The following ZNF589 variants were observed in gnomAD, a reference collection of about 807,000 sequenced individuals.
The protein encoded by ZNF589 is KRAB-zinc finger protein SZF1-1.
A neutral mutation model predicts 13.6 loss-of-function variants in ZNF589; 17 were observed. The observed-to-expected ratio is 1.25, with a 90% CI of 0.86 to 1.88. The LOEUF is 1.88. Ranked by LOEUF, ZNF589 falls within the 40% of genes most tolerant of loss-of-function variation. The pLI, the probability that ZNF589 is intolerant of heterozygous loss-of-function variation, is 0.00. For synonymous variants in ZNF589, 148 were observed against 161.6 expected (o/e 0.92, Z 0.64); for missense variants, 407 against 434.0 (o/e 0.94, Z 0.55).
chr3:48,255,798 G>A (rs553694360), intron 2 of ZNF589, among the ~76,000 whole-genome samples: 18 of 151,824 alleles, frequency 1.2e-4, no homozygotes, highest in African/African-American at 4.1e-4. Context: ...CAGAGACGGG[G>A]TCTTGCCATG....
chr3:48,246,042 G>A (rs540427821), intron 1 of ZNF589, among the ~76,000 whole-genome samples: 12 of 152,080 alleles, frequency 7.9e-5, no homozygotes, highest in Admixed American at 6.6e-4. Flanking sequence ...GCCAGGCGTC[G>A]TGGGTCATGC....
intron 3 of ZNF589, among the ~76,000 whole-genome samples, chr3:48,263,034 C>G (rs1357626036): frequency 6.6e-6 from 1 of 152,130 alleles, no homozygotes; most frequent in Non-Finnish European, 1.5e-5. Context: ...CTTGATTGCT[C>G]TGGTATGTCT....
chr3:48,253,516 T>C (rs2033863696), intron 2 of ZNF589, among the ~76,000 whole-genome samples: 1 of 130,846 alleles, frequency 7.6e-6, no homozygotes, highest in African/African-American at 2.9e-5. Flanking sequence ...TTTTTTTTTT[T>C]TGAGACGGAG....
rs2034038448 is a variant in ZNF589 at position 48,268,043 on chromosome 3, C to T, written c.352C>T (p.Pro118Ser). ...TTTCCATGCAGGAAATCAACTCCAC[C>T]CAGGAAATCCCTGCCCAGAGGATCA... ...PGFHAGNQLH[P>S]GNPCPEDQPQ... Residue 118 changes from proline to serine, a missense_variant, in exon 4 of 4, where the codon CCA becomes TCA. Transcript: ENST00000354698. 1 of 1,614,202 alleles carries T rather than the reference C, an allele frequency of 6.2e-7. No homozygotes were observed. The highest frequency in any genetic ancestry group is 1.3e-5 in the African/African-American group (1 of 75,048).
intron 3 of ZNF589, among the ~76,000 whole-genome samples, chr3:48,266,775 A>G (rs1559983529): frequency 6.6e-6 from 1 of 152,220 alleles, no homozygotes; most frequent in Non-Finnish European, 1.5e-5. Flanking sequence ...AATCTATTCT[A>G]TATATTATCG....
At chr3:48,265,063 C>T (rs541046503) in intron 3 of ZNF589, among the ~76,000 whole-genome samples, 3 of 151,748 alleles carry the variant, frequency 2.0e-5, no homozygotes, top group African/African-American at 7.2e-5. Context: ...CCTCCGCCTC[C>T]TGGGTTCAAG....
In ZNF589 at chr3:48,269,867, A is replaced by T; in HGVS notation, c.*1081A>T. Reference sequence around the variant, plus strand: ...TCGGGAGAAACCTTCATGGAGTGAGAGTAAGGTGTTGGCTGGAAGTGGCCC... The same window carrying T: ...TCGGGAGAAACCTTCATGGAGTGAGTGTAAGGTGTTGGCTGGAAGTGGCCC... On this transcript the variant is annotated 3_prime_UTR_variant, in exon 4 of 4. Transcript: ENST00000354698. 2.7e-6 allele frequency: 1 copy of T among 368,476 alleles called. No homozygotes were observed. The highest frequency in any genetic ancestry group is 5.3e-6 in the Non-Finnish European group (1 of 188,542). 22.8% of individuals were successfully genotyped at this position (368,476 alleles called of 1,614,324 possible).
At chr3:48,254,254 CA>C (rs940024355) in intron 2 of ZNF589, among the ~76,000 whole-genome samples, 8 of 147,926 alleles carry the variant, frequency 5.4e-5, no homozygotes, top group African/African-American at 7.4e-5. Context: ...AACTCTGTCT[CA>C]AAAAAAAAAC....
At chr3:48,262,720 G>A (rs2033980456) in intron 3 of ZNF589, among the ~76,000 whole-genome samples, 1 of 151,580 alleles carries the variant, frequency 6.6e-6, no homozygotes, top group African/African-American at 2.4e-5. Context: ...TTTCTTCCCT[G>A]TAGCCCACGG....
chr3:48,247,738 C>T (rs991501215), intron 2 of ZNF589, 61 bp downstream of exon 2: 2 of 1,574,718 alleles, frequency 1.3e-6, no homozygotes, highest in African/African-American at 2.7e-5. Context: ...AGAATGGGCT[C>T]ATCTGTCTTT....
chr3:48,253,604 A>G (rs1575293027), intron 2 of ZNF589, among the ~76,000 whole-genome samples: 2 of 145,156 alleles, frequency 1.4e-5, no homozygotes, highest in African/African-American at 5.2e-5. Flanking sequence ...GGTCCACGCC[A>G]TTCTCCTGTC....
In ZNF589 at chr3:48,248,017, T is replaced by TA. The variant is rs568381006; in HGVS notation, c.96+342dup. 2.0e-3 allele frequency among the ~76,000 whole-genome samples: 310 copies of TA among 152,360 alleles called. No homozygotes were observed. In the Middle Eastern group the frequency reaches 0.037, roughly 18 times the overall value. ...ATAGTTATAACACTTTAATAGTATC[T>TA]AATAGTCTGATCTTGTACATTGGAC... On this transcript the variant is annotated intron_variant, in intron 2 of 3. Coordinates refer to ENST00000354698, the MANE Select transcript of ZNF589 (RefSeq NM_016089.3).
At chr3:48,247,042 CT>C (rs966822629) in intron 1 of ZNF589, among the ~76,000 whole-genome samples, 30 of 152,114 alleles carry the variant, frequency 2.0e-4, no homozygotes, top group Middle Eastern at 3.2e-3. Flanking sequence ...GTGATCTCTG[CT>C]CACTGCAACC....
At chr3:48,266,072 A>G (rs891647930) in intron 3 of ZNF589, among the ~76,000 whole-genome samples, 2 of 152,164 alleles carry the variant, frequency 1.3e-5, no homozygotes, top group African/African-American at 2.4e-5. Flanking sequence ...ATGCCAAAAT[A>G]TGTGTTCCTA....
chr3:48,242,542 G>A (rs1045576516), intron 1 of ZNF589, among the ~76,000 whole-genome samples: 1 of 151,986 alleles, frequency 6.6e-6, no homozygotes, highest in Non-Finnish European at 1.5e-5. Flanking sequence ...GGGCTCAAGG[G>A]ATCCTCCCGC....
At chr3:48,259,876 G>A (rs1374459644) in intron 2 of ZNF589, among the ~76,000 whole-genome samples, 4 of 148,662 alleles carry the variant, frequency 2.7e-5, no homozygotes, top group South Asian at 2.1e-4. Flanking sequence ...CCAAGATCAC[G>A]CCACTGCAGT....
chr3:48,260,432 G>A (rs563442294), intron 2 of ZNF589, among the ~76,000 whole-genome samples: 24 of 151,984 alleles, frequency 1.6e-4, no homozygotes, highest in African/African-American at 4.1e-4. Context: ...TTTTTGAGGC[G>A]GAGTCTCACT....
intron 1 of ZNF589, 146 bp from the exon 2 acceptor site, chr3:48,247,479 C>T (rs1575291505): frequency 1.5e-6 from 1 of 676,184 alleles, no homozygotes; most frequent in East Asian, 2.6e-5. Context: ...TTGACTCAAG[C>T]ATAAGGCAGG....
intron 3 of ZNF589, among the ~76,000 whole-genome samples, chr3:48,263,115 C>CT (rs1179840215): frequency 8.9e-4 from 130 of 146,358 alleles, no homozygotes; most frequent in South Asian, 3.5e-3. Flanking sequence ...TTCTTTTTTT[C>CT]TTTTTTTTTT....
Sources: gnomAD v4.1 joint callset for allele counts (sites outside exome capture counted in the v4.1 genomes callset) on GRCh38, gnomAD v4.1.1 for gene constraint, MANE v1.5 for transcripts, NCBI Gene and HGNC (gene_info 2026-07-23, HGNC 2026-07-21) for gene names.